Variants in SPRED1 observed in about 807,000 individuals in gnomAD.
SPRED1 encodes the protein sprouty-related, EVH1 domain-containing protein 1.
A neutral mutation model predicts 52.3 loss-of-function variants in SPRED1; 18 were observed. The ratio of observed to expected loss-of-function variants is 0.34; its 90% CI spans 0.24 to 0.51. SPRED1 has a LOEUF of 0.51. Among genes scored for constraint, SPRED1 ranks in the 20% least tolerant of loss-of-function variants. The pLI, the probability that SPRED1 is intolerant of heterozygous loss-of-function variation, is 0.97. For synonymous variants in SPRED1, 155 were observed against 179.7 expected (o/e 0.86, Z 1.10); for missense variants, 485 against 551.0 (o/e 0.88, Z 1.20).
chr15:38,349,434 C>A lies in SPRED1; in HGVS notation c.595C>A (p.Gln199Lys). 1 of 1,611,572 alleles carries A rather than the reference C, an allele frequency of 6.2e-7. No individual in the cohort carries two copies. The highest frequency in any genetic ancestry group is 1.1e-5 in the South Asian group (1 of 91,002). ...QSQANQITFG[Q>K]PGLDIQSRSM... Reference sequence around the variant, plus strand: ...GTTTGTATTTTAGATAACATTTGGTCAGCCAGGCTTGGACATTCAGAGCAG... The same window carrying A: ...GTTTGTATTTTAGATAACATTTGGTAAGCCAGGCTTGGACATTCAGAGCAG... The change falls in exon 6 of 7, where the codon CAG becomes AAG. Residue 199 changes from glutamine to lysine, a missense_variant. Gln to Lys is a moderately conservative substitution (Grantham distance 53, BLOSUM62 1). This residue lies in a region of SPRED1 where 232 missense variants were observed against 231.8 expected (regional missense o/e 1.00). Transcript: ENST00000299084.
chr15:38,339,459 C>G (rs895566620), intron 4 of SPRED1, among the ~76,000 whole-genome samples: 2 of 152,210 alleles, frequency 1.3e-5, no homozygotes, highest in African/African-American at 4.8e-5. Flanking sequence ...TTATAATTAG[C>G]TCTTCTACAT....
At chr15:38,286,863 A>G (rs534342310) in intron 1 of SPRED1, among the ~76,000 whole-genome samples, 4 of 152,248 alleles carry the variant, frequency 2.6e-5, no homozygotes, top group African/African-American at 9.6e-5. Flanking sequence ...TGTAAAAATA[A>G]TGTTGTCCCA....
At chr15:38,307,292 G>A (rs1372266292) in intron 2 of SPRED1, among the ~76,000 whole-genome samples, 4 of 152,078 alleles carry the variant, frequency 2.6e-5, no homozygotes, top group African/African-American at 9.7e-5. Context: ...TTGGGCTGCC[G>A]TAACAAAATA....
chr15:38,258,583 C>T (rs942661959), intron 1 of SPRED1, among the ~76,000 whole-genome samples: 7 of 152,020 alleles, frequency 4.6e-5, no homozygotes, highest in Non-Finnish European at 8.8e-5. Flanking sequence ...TTAAATTGCC[C>T]TCTAGAAAAG....
chr15:38,348,370 A>G (rs1040813604), intron 5 of SPRED1, among the ~76,000 whole-genome samples: 1 of 151,820 alleles, frequency 6.6e-6, no homozygotes, highest in Non-Finnish European at 1.5e-5. Flanking sequence ...TGTATCATTA[A>G]ATGCAGAGAC....
chr15:38,279,082 T>C (rs1894628848), intron 1 of SPRED1, among the ~76,000 whole-genome samples: 1 of 152,180 alleles, frequency 6.6e-6, no homozygotes, highest in African/African-American at 2.4e-5. Context: ...CTCCTAGGCC[T>C]CCCAAAGTGT....
chr15:38,295,550 T>G (rs1895019034), intron 1 of SPRED1, among the ~76,000 whole-genome samples: 1 of 152,206 alleles, frequency 6.6e-6, no homozygotes, highest in African/African-American at 2.4e-5. Context: ...GGATTGTATT[T>G]AGAAAATGAA....
At chr15:38,254,720 T>TC (rs1378317938) in intron 1 of SPRED1, among the ~76,000 whole-genome samples, 1 of 152,214 alleles carries the variant, frequency 6.6e-6, no homozygotes, top group Admixed American at 6.5e-5. Flanking sequence ...AAATATCAGT[T>TC]CGGGGAGGTG....
chr15:38,254,141 G>T (rs949548619), intron 1 of SPRED1, among the ~76,000 whole-genome samples: 2 of 152,130 alleles, frequency 1.3e-5, no homozygotes, highest in Non-Finnish European at 2.9e-5. Context: ...CAGAATATTA[G>T]CATCCGTTTT....
intron 1 of SPRED1, among the ~76,000 whole-genome samples, chr15:38,297,104 T>C (rs867164211): frequency 6.6e-6 from 1 of 152,178 alleles, no homozygotes; most frequent in South Asian, 2.1e-4. Context: ...CCTCTGGACT[T>C]TCAAGCCTCT....
chr15:38,307,345 A>G (rs992153846), intron 2 of SPRED1, among the ~76,000 whole-genome samples: 1 of 152,160 alleles, frequency 6.6e-6, no homozygotes, highest in Admixed American at 6.6e-5. Context: ...ATTTTCTCAC[A>G]GTTATGGAAG....
chr15:38,331,442 G>C (rs1306228407), intron 4 of SPRED1, among the ~76,000 whole-genome samples: 2 of 150,176 alleles, frequency 1.3e-5, no homozygotes, highest in Non-Finnish European at 1.5e-5. Context: ...TTATAACCCA[G>C]TTAAAAAAAA....
chr15:38,298,756 A>G (rs572373999), intron 1 of SPRED1, among the ~76,000 whole-genome samples: 22 of 152,358 alleles, frequency 1.4e-4, no homozygotes, highest in Admixed American at 1.4e-3. Flanking sequence ...AGCTAATAAC[A>G]GAAATTTATT....
chr15:38,253,702 C>G (rs1894031725), intron 1 of SPRED1, among the ~76,000 whole-genome samples: 1 of 152,006 alleles, frequency 6.6e-6, no homozygotes, highest in Admixed American at 6.6e-5. Context: ...AGCCTTCACC[C>G]TCTCCCCCCT....
Position 38,351,633 on chromosome 15 carries a change from G to T in SPRED1, c.1304G>T (p.Cys435Phe). 1 of 1,613,706 alleles carries T rather than the reference G, an allele frequency of 6.2e-7. No individual in the cohort carries two copies. Among genetic ancestry groups the T allele is most frequent in the Non-Finnish European group, 8.5e-7 (1 of 1,179,980 alleles). Reference sequence around the variant, plus strand: ...CATCGCTGTGGTGAGGCATGTGGTTGCTGTGGTGGGAAACATAAAGCTGCT... The same window carrying T: ...CATCGCTGTGGTGAGGCATGTGGTTTCTGTGGTGGGAAACATAAAGCTGCT... ...MCHRCGEACGCCGGKHKAAG is the reference protein window; with the variant it reads ...MCHRCGEACGFCGGKHKAAG Residue 435 changes from cysteine (C) to phenylalanine (F), a missense_variant, in exon 7 of 7, where the codon TGC (cysteine) becomes TTC (phenylalanine). Physicochemically the swap from Cys to Phe is radical, Grantham distance 205. This residue lies in a region of SPRED1 where 205 missense variants were observed against 245.2 expected (regional missense o/e 0.84). Transcript: ENST00000299084.
At chr15:38,256,573 T>A (rs990079791) in intron 1 of SPRED1, among the ~76,000 whole-genome samples, 4 of 152,160 alleles carry the variant, frequency 2.6e-5, no homozygotes, top group African/African-American at 9.6e-5. Context: ...TTAGGCTTTC[T>A]AATAGCAAGT....
At chr15:38,319,695 A>G (rs1461735904) in intron 2 of SPRED1, among the ~76,000 whole-genome samples, 1 of 152,170 alleles carries the variant, frequency 6.6e-6, no homozygotes, top group African/African-American at 2.4e-5. Context: ...CTTTTCTAAT[A>G]CACATAGAGT....
At chr15:38,279,600 C>G (rs1269143403) in intron 1 of SPRED1, among the ~76,000 whole-genome samples, 1 of 152,210 alleles carries the variant, frequency 6.6e-6, no homozygotes, top group African/African-American at 2.4e-5. Context: ...AGCTCTTTTA[C>G]TTACCAGTTA....
chr15:38,299,307 A>AG (rs746572586), intron 1 of SPRED1, 66 bp from the exon 2 acceptor site: 1 of 1,555,446 alleles, frequency 6.4e-7, no homozygotes, highest in Non-Finnish European at 8.9e-7. Context: ...TTCTCAAACA[A>AG]GACTGATGGC....
Sources: allele counts gnomAD v4.1 joint callset (sites outside exome capture counted in the v4.1 genomes callset), GRCh38; gene constraint gnomAD v4.1.1; regional missense constraint gnomAD v4.1.1; transcripts MANE v1.5; gene names NCBI Gene and HGNC (gene_info 2026-07-23, HGNC 2026-07-21).